KIF13A: variants seen among roughly 807,000 people sequenced by gnomAD.
KIF13A encodes the protein kinesin-like protein KIF13A.
In KIF13A, 79 loss-of-function variants were observed where a neutral mutation model predicts 212.2. The observed-to-expected ratio is 0.37, with a 90% CI of 0.31 to 0.45. KIF13A has a LOEUF of 0.45. KIF13A is among the 20% of genes least tolerant of loss of function. The probability of loss-of-function intolerance (pLI) is 1.00; values close to 1 mark genes in which losing one functional copy is unlikely to be tolerated. For missense variants in KIF13A, 1,901 were observed against 2,209.0 expected, an observed-to-expected ratio of 0.86 and a Z score of 2.79; for synonymous variants, 789 against 808.6, an observed-to-expected ratio of 0.98 and a Z score of 0.41.
intron 19 of KIF13A, among the ~76,000 whole-genome samples, chr6:17,804,728 G>A (rs1354958641): frequency 7.1e-6 from 1 of 140,046 alleles, no homozygotes; most frequent in Non-Finnish European, 1.5e-5. Flanking sequence ...CACGAGAATC[G>A]CTTGAACCCA....
intron 4 of KIF13A, among the ~76,000 whole-genome samples, chr6:17,860,115 G>A (rs1288802571): frequency 1.3e-5 from 2 of 152,120 alleles, no homozygotes; most frequent in Non-Finnish European, 2.9e-5. Context: ...GCATGACACT[G>A]GCAATCAGTT....
In KIF13A at chr6:17,817,251, A is replaced by C; in HGVS notation, c.1787-18T>G. ...AACTGGGTCTAGTGAGCCAAGAGAC[A>C]AGGCAAGGTGTCTTAGTGGCGGCTA... On this transcript the variant is annotated intron_variant, in intron 16 of 38. Transcript: ENST00000259711. 1 of 1,609,322 alleles carries C rather than the reference A, an allele frequency of 6.2e-7. No homozygotes were observed. The highest frequency in any genetic ancestry group is 8.5e-7 in the Non-Finnish European group (1 of 1,175,742).
chr6:17,827,508 T>G (rs1276891697), intron 14 of KIF13A, among the ~76,000 whole-genome samples: 1 of 139,652 alleles, frequency 7.2e-6, no homozygotes, highest in Non-Finnish European at 1.6e-5. Flanking sequence ...TATATTATTC[T>G]CTCTACATTT....
chr6:17,807,759 T>C (rs893322034), intron 18 of KIF13A, among the ~76,000 whole-genome samples: 6 of 152,158 alleles, frequency 3.9e-5, no homozygotes, highest in Admixed American at 1.3e-4. Context: ...GTTTTGAGGC[T>C]CAGGTGGACA....
chr6:17,831,116 C>A lies in KIF13A; in HGVS notation c.1386G>T (p.Leu462=). ...GTTCTCCTACCTTTAAATAATAAACCAGAAGTTCGTTAAGAGCAGGGTCTG... is the reference window on the plus strand; with the variant it reads ...GTTCTCCTACCTTTAAATAATAAACAAGAAGTTCGTTAAGAGCAGGGTCTG... ...LNADPALNEL[L]VYYLKDHTRV... Residue 462 remains leucine (L), a synonymous_variant, in exon 13 of 39, where the codon CTG becomes CTT. Transcript: ENST00000259711. 6.2e-7 allele frequency: 1 copy of A among 1,612,500 alleles called. No individual in the cohort carries two copies. Among genetic ancestry groups the A allele is most frequent in the Non-Finnish European group, 8.5e-7 (1 of 1,179,354 alleles).
At chr6:17,906,400 C>CCCGTTT (rs1199615221) in intron 2 of KIF13A, among the ~76,000 whole-genome samples, 2 of 143,178 alleles carry the variant, frequency 1.4e-5, no homozygotes, top group Non-Finnish European at 3.0e-5. Flanking sequence ...TCCTTTCTTC[C>CCCGTTT]CCCTTTCCCT....
rs902099062 is a variant in KIF13A at position 17,914,827 on chromosome 6, G to A, written c.147-16647C>T. On this transcript the variant is annotated intron_variant, in intron 2 of 38. Transcript: ENST00000259711. The surrounding 1 kb of genome is among the most constrained non-coding windows in gnomAD (Gnocchi z 5.9). ...ATTAAGCAGAGAAAACATGGCTCTT[G>A]TGCAATTCTCTTGTCATGTCTTCAA... Among the ~76,000 whole-genome samples the A allele has an allele frequency of 2.0e-5, 3 of 152,186 alleles. No individual in the cohort carries two copies. The highest frequency in any genetic ancestry group is 4.4e-5 in the Non-Finnish European group (3 of 68,032).
rs575006744 is a variant in KIF13A at position 17,886,989 on chromosome 6, G to C, written c.159+11179C>G. 6.6e-6 allele frequency among the ~76,000 whole-genome samples: 1 copy of C among 152,216 alleles called. No individual in the cohort carries two copies. Among genetic ancestry groups the C allele is most frequent in the South Asian group, 2.1e-4 (1 of 4,820 alleles). On this transcript the variant is annotated intron_variant, in intron 3 of 38. Coordinates refer to ENST00000259711, the MANE Select transcript of KIF13A (RefSeq NM_022113.6). The surrounding 1 kb of genome is among the most constrained non-coding windows in gnomAD (Gnocchi z 5.6). ...GTTCCAAATGATTCCTGGCCCTCCTGGTAAGGGAATTACACATCCCTGCCT... is the reference window on the plus strand; with the variant it reads ...GTTCCAAATGATTCCTGGCCCTCCTCGTAAGGGAATTACACATCCCTGCCT...
At chr6:17,827,964 A>G (rs1765115354) in intron 14 of KIF13A, among the ~76,000 whole-genome samples, 1 of 152,234 alleles carries the variant, frequency 6.6e-6, no homozygotes, top group Non-Finnish European at 1.5e-5. Flanking sequence ...TTCATTTTCC[A>G]ATAAGTTACT....
chr6:17,933,946 T>C (rs1776232478), intron 2 of KIF13A, among the ~76,000 whole-genome samples: 2 of 152,238 alleles, frequency 1.3e-5, no homozygotes, highest in Admixed American at 6.5e-5. Flanking sequence ...TTAGTCCTGC[T>C]TTTATCTTAT....
At chr6:17,978,212 T>C (rs114792905) in intron 2 of KIF13A, among the ~76,000 whole-genome samples, 2,134 of 152,360 alleles carry the variant, frequency 0.014, 63 homozygotes, top group African/African-American at 0.048. Context: ...ACAAGAATTA[T>C]ACATTTTTCA....
intron 3 of KIF13A, among the ~76,000 whole-genome samples, chr6:17,885,908 G>A (rs1407374717): frequency 6.6e-6 from 1 of 152,178 alleles, no homozygotes; most frequent in Non-Finnish European, 1.5e-5. Flanking sequence ...TGTCACAAAT[G>A]CACAATCTGT....
At chr6:17,792,196 C>CAAA (rs10666115) in intron 25 of KIF13A, among the ~76,000 whole-genome samples, 9,919 of 74,354 alleles carry the variant, frequency 0.13, 1,107 homozygotes, top group Non-Finnish European at 0.16. Context: ...GAGTGAGACT[C>CAAA]AAAAAAAAAA....
chr6:17,796,178 ATTCTT>A (rs1385491910), intron 23 of KIF13A, among the ~76,000 whole-genome samples: 1 of 140,096 alleles, frequency 7.1e-6, no homozygotes, highest in African/African-American at 2.5e-5. Flanking sequence ...CAAAGCCTGT[ATTCTT>A]TTTTTTTTTT....
intron 4 of KIF13A, among the ~76,000 whole-genome samples, chr6:17,863,076 G>A (rs1768987888): frequency 6.6e-6 from 1 of 152,206 alleles, no homozygotes; most frequent in Non-Finnish European, 1.5e-5. Context: ...CAGCCTGAAC[G>A]ACAGAGCAAG....
intron 2 of KIF13A, among the ~76,000 whole-genome samples, chr6:17,920,174 T>C (rs1774927384): frequency 6.6e-6 from 1 of 152,104 alleles, no homozygotes; most frequent in African/African-American, 2.4e-5. Context: ...CATACTCCAA[T>C]GAGGCACGAA....
chr6:17,938,159 T>C (rs973412869), intron 2 of KIF13A, among the ~76,000 whole-genome samples: 4 of 152,150 alleles, frequency 2.6e-5, no homozygotes, highest in Non-Finnish European at 5.9e-5. Flanking sequence ...CCTCCCAAAG[T>C]GCTGGGATTA....
At position 17,835,509 on chromosome 6, in the gene KIF13A, A is replaced by G. The variant is rs557191261; in HGVS notation, c.1155+1369T>C. On this transcript the variant is annotated intron_variant, in intron 11 of 38. Transcript: ENST00000259711. ...TCTGAAAATTATACTTTATGCACTG[A>G]ATGATTATAAATTATAATAAAAATC... is the stretch of plus-strand genomic sequence containing the variant. Among the ~76,000 whole-genome samples, 83 of 152,310 alleles carry G rather than the reference A, an allele frequency of 5.4e-4. 1 individual carries two copies. Among genetic ancestry groups the G allele is most frequent in the Non-Finnish European group, 1.1e-3 (73 of 68,028 alleles).
chr6:17,945,361 T>A (rs756543266), intron 2 of KIF13A, among the ~76,000 whole-genome samples: 1 of 152,138 alleles, frequency 6.6e-6, no homozygotes, highest in Non-Finnish European at 1.5e-5. Context: ...TTGGGGATGT[T>A]AGTAACAGGA....
Sources: allele counts gnomAD v4.1 joint callset (sites outside exome capture counted in the v4.1 genomes callset), GRCh38; gene constraint gnomAD v4.1.1; non-coding constraint Gnocchi (gnomAD v3.1); transcripts MANE v1.5; gene names NCBI Gene and HGNC (gene_info 2026-07-23, HGNC 2026-07-21).